Variants in PTPRD observed in about 807,000 individuals in gnomAD.
PTPRD encodes protein tyrosine phosphatase receptor type D.
A neutral mutation model predicts 214.5 loss-of-function variants in PTPRD; 34 were observed. That is an observed-to-expected ratio of 0.16 (90% CI 0.12 to 0.21). The LOEUF is 0.21. Ranked by LOEUF, PTPRD falls within the 10% of genes least tolerant of loss-of-function variation. The pLI is 1.00. For synonymous variants in PTPRD, 1,128 were observed against 845.7 expected (o/e 1.33, Z -5.79); for missense variants, 2,545 against 2,398.7 (o/e 1.06, Z -1.27).
chr9:10,089,074 T>C (rs1240276457), intron 3 of PTPRD, among the ~76,000 whole-genome samples: 1 of 151,446 alleles, frequency 6.6e-6, no homozygotes, highest in African/African-American at 2.4e-5. Flanking sequence ...CCAGGCATCA[T>C]GGTGCCCATG....
chr9:8,975,271 T>C (rs1057411310), intron 11 of PTPRD, among the ~76,000 whole-genome samples: 2 of 152,088 alleles, frequency 1.3e-5, no homozygotes, highest in Admixed American at 6.6e-5. Flanking sequence ...CTGATGATGT[T>C]ATTGATTCCT....
intron 14 of PTPRD, among the ~76,000 whole-genome samples, chr9:8,551,017 C>A (rs1292662724): frequency 6.6e-6 from 1 of 152,206 alleles, no homozygotes; most frequent in Non-Finnish European, 1.5e-5. Context: ...AGATTTCACT[C>A]CTGGCACTCC....
intron 2 of PTPRD, among the ~76,000 whole-genome samples, chr9:10,607,690 G>GA (rs566270795): frequency 2.0e-5 from 3 of 150,348 alleles, no homozygotes; most frequent in East Asian, 1.9e-4. Flanking sequence ...TTTCCTAGAA[G>GA]AAAAAAAAAG....
rs774412669 is a variant in PTPRD at position 9,757,166 on chromosome 9, T to G, written c.-326+9644A>C. 5.9e-5 allele frequency among the ~76,000 whole-genome samples: 9 copies of G among 152,196 alleles called. 1 individual carries two copies. The highest frequency in any genetic ancestry group is 1.3e-4 in the Non-Finnish European group (9 of 68,020). On this transcript the variant is annotated intron_variant, in intron 6 of 45. Coordinates refer to ENST00000381196, the MANE Select transcript of PTPRD (RefSeq NM_002839.4). ...TCCCTTTATGACCATTCCTTAGCAG[T>G]TGTTCATAATATAAAGAGTAAAAGT...
intron 12 of PTPRD, among the ~76,000 whole-genome samples, chr9:8,709,681 G>C (rs2098287522): frequency 6.6e-6 from 1 of 151,850 alleles, no homozygotes; most frequent in Admixed American, 6.6e-5. Flanking sequence ...GTTATATTCA[G>C]TAAATACATA....
At chr9:10,231,807 A>G (rs568347188) in intron 3 of PTPRD, among the ~76,000 whole-genome samples, 1 of 151,866 alleles carries the variant, frequency 6.6e-6, no homozygotes, top group African/African-American at 2.4e-5. Context: ...GTGATTCCCA[A>G]TGTGGTGGTA....
chr9:8,535,369 G>C (rs2076677713), intron 14 of PTPRD, among the ~76,000 whole-genome samples: 1 of 151,936 alleles, frequency 6.6e-6, no homozygotes, highest in Admixed American at 6.6e-5. Context: ...TTTGTGCCAA[G>C]TAACCTCTGC....
intron 44 of PTPRD, among the ~76,000 whole-genome samples, chr9:8,327,675 C>G (rs1246199360): frequency 6.6e-6 from 1 of 152,120 alleles, no homozygotes; most frequent in South Asian, 2.1e-4. Flanking sequence ...GAGTCTAAGT[C>G]TCTTTGTAGG....
chr9:8,375,311 A>G (rs1203619353), intron 39 of PTPRD, among the ~76,000 whole-genome samples: 1 of 152,024 alleles, frequency 6.6e-6, no homozygotes, highest in African/African-American at 2.4e-5. Context: ...GAGTTAAGCA[A>G]AAAATACAAA....
intron 5 of PTPRD, among the ~76,000 whole-genome samples, chr9:9,808,769 A>G (rs999377141): frequency 1.3e-5 from 2 of 152,014 alleles, no homozygotes; most frequent in African/African-American, 4.8e-5. Context: ...GTATTAGTTT[A>G]ATTTTTACTT....
chr9:9,243,417 CA>C (rs1322874376), intron 9 of PTPRD, among the ~76,000 whole-genome samples: 2 of 152,040 alleles, frequency 1.3e-5, no homozygotes, highest in Non-Finnish European at 2.9e-5. Flanking sequence ...CCGAATCCAG[CA>C]GCACATCAAA....
At chr9:10,376,388 GTTAT>G (rs1317233076) in intron 2 of PTPRD, among the ~76,000 whole-genome samples, 1 of 151,286 alleles carries the variant, frequency 6.6e-6, no homozygotes, top group Non-Finnish European at 1.5e-5. Flanking sequence ...AACAAATATG[GTTAT>G]TTAAGAAATA....
At chr9:8,785,848 A>T (rs767162770) in intron 11 of PTPRD, among the ~76,000 whole-genome samples, 10 of 152,238 alleles carry the variant, frequency 6.6e-5, no homozygotes, top group Non-Finnish European at 1.5e-4. Context: ...CATAAGGAAC[A>T]CAAAAACTCT....
intron 8 of PTPRD, among the ~76,000 whole-genome samples, chr9:9,564,306 T>C (rs2083750494): frequency 6.6e-6 from 1 of 152,122 alleles, no homozygotes; most frequent in African/African-American, 2.4e-5. Flanking sequence ...CCCAAGTTCT[T>C]GAAGTACTCT....
At chr9:8,929,958 T>C (rs899565068) in intron 11 of PTPRD, among the ~76,000 whole-genome samples, 1 of 150,286 alleles carries the variant, frequency 6.7e-6, no homozygotes, top group Admixed American at 6.7e-5. Flanking sequence ...TGTGTGTATA[T>C]ATATATATAA....
At chr9:10,126,719 G>A (rs1354414348) in intron 3 of PTPRD, among the ~76,000 whole-genome samples, 1 of 152,062 alleles carries the variant, frequency 6.6e-6, no homozygotes, top group African/African-American at 2.4e-5. Context: ...ATTTAGAAGG[G>A]CCTGCTGACA....
intron 2 of PTPRD, among the ~76,000 whole-genome samples, chr9:10,523,283 G>A (rs2052993939): frequency 6.6e-6 from 1 of 151,848 alleles, no homozygotes; most frequent in South Asian, 2.1e-4. Flanking sequence ...CCACTACATA[G>A]TACCACGTAT....
intron 6 of PTPRD, among the ~76,000 whole-genome samples, chr9:9,735,474 T>A (rs2098276408): frequency 6.6e-6 from 1 of 152,140 alleles, no homozygotes; most frequent in South Asian, 2.1e-4. Flanking sequence ...GAGTTGACAC[T>A]ATTGTGTAAG....
chr9:9,108,438 C>A, intron 10 of PTPRD, among the ~76,000 whole-genome samples: 1 of 152,128 alleles, frequency 6.6e-6, no homozygotes, highest in East Asian at 1.9e-4. Context: ...TCCATGGTAA[C>A]AAATTTACTA....
Sources: gnomAD v4.1 joint callset for allele counts (sites outside exome capture counted in the v4.1 genomes callset) on GRCh38, gnomAD v4.1.1 for gene constraint, MANE v1.5 for transcripts, NCBI Gene and HGNC (gene_info 2026-07-23, HGNC 2026-07-21) for gene names.